The following TNKS variants were observed in gnomAD, a reference collection of about 807,000 sequenced individuals.
TNKS encodes the protein tankyrase, also known as poly [ADP-ribose] polymerase tankyrase-1.
Under a neutral mutation model 135.8 loss-of-function variants are expected in TNKS, and 72 were observed. The ratio of observed to expected loss-of-function variants is 0.53; its 90% confidence interval spans 0.44 to 0.64. The LOEUF is 0.64. Among genes scored for constraint, TNKS ranks in the 30% least tolerant of loss-of-function variants. TNKS has a pLI of 0.00. For synonymous variants in TNKS, 849 were observed against 649.3 expected, an observed-to-expected ratio of 1.31 and a Z score of -4.68; for missense variants, 1,769 against 1,674.0, an observed-to-expected ratio of 1.06 and a Z score of -0.99.
intron 20 of TNKS, among the ~76,000 whole-genome samples, chr8:9,760,572 T>C (rs1255376882): frequency 1.3e-5 from 2 of 152,204 alleles, no homozygotes; most frequent in Non-Finnish European, 2.9e-5. Context: ...AATCAAAGAC[T>C]AATCTTGTAG....
chr8:9,750,809 G>A (rs1046333865), intron 18 of TNKS, among the ~76,000 whole-genome samples: 1 of 152,214 alleles, frequency 6.6e-6, no homozygotes, highest in Admixed American at 6.5e-5. Flanking sequence ...TTCTGGTTTT[G>A]CAGTTACCTG....
chr8:9,636,318 G>A (rs1456867076), intron 3 of TNKS, among the ~76,000 whole-genome samples: 1 of 152,114 alleles, frequency 6.6e-6, no homozygotes, highest in African/African-American at 2.4e-5. Context: ...GAAAGAAAAA[G>A]GAAAACTGAT....
At chr8:9,613,646 G>C (rs1799540133) in intron 2 of TNKS, among the ~76,000 whole-genome samples, 1 of 152,112 alleles carries the variant, frequency 6.6e-6, no homozygotes, top group Non-Finnish European at 1.5e-5. Context: ...AAAGAGGTAG[G>C]CATGGCCCAA....
chr8:9,751,061 GC>G (rs201803923), intron 18 of TNKS, among the ~76,000 whole-genome samples: 2,007 of 134,714 alleles, frequency 0.015, 32 homozygotes, highest in African/African-American at 0.05. Flanking sequence ...ACCACATTCG[GC>G]GGGTAGGGGG....
intron 5 of TNKS, among the ~76,000 whole-genome samples, chr8:9,699,225 G>T (rs1166980470): frequency 2.0e-5 from 3 of 152,298 alleles, no homozygotes; most frequent in Non-Finnish European, 2.9e-5. Context: ...ATGATACTCT[G>T]TTAATTATCC....
intron 5 of TNKS, among the ~76,000 whole-genome samples, chr8:9,704,280 A>G (rs540828287): frequency 2.6e-5 from 4 of 152,328 alleles, no homozygotes; most frequent in South Asian, 4.1e-4. Context: ...AAGGTTAGAA[A>G]TTGAAAGGAG....
intron 3 of TNKS, among the ~76,000 whole-genome samples, chr8:9,674,686 G>A (rs931271799): frequency 6.6e-6 from 1 of 152,140 alleles, no homozygotes; most frequent in African/African-American, 2.4e-5. Context: ...GTTGAGGGGA[G>A]TGGCTAAAAT....
At chr8:9,731,170 T>C (rs1805419397) in intron 14 of TNKS, 135 bp downstream of exon 14, 1 of 1,172,138 alleles carries the variant, frequency 8.5e-7, no homozygotes, top group Admixed American at 3.4e-5. Context: ...AATTAAAACA[T>C]AGAAATGTGC....
At chr8:9,717,677 T>C (rs183595937) in intron 11 of TNKS, among the ~76,000 whole-genome samples, 126 of 152,298 alleles carry the variant, frequency 8.3e-4, no homozygotes, top group African/African-American at 2.9e-3. Context: ...TACTTACTGC[T>C]GAGAGGATGT....
At position 9,683,088 on chromosome 8, in the gene TNKS, G is replaced by A. The variant is rs114138405; in HGVS notation, c.1107+2288G>A. ...AGAAATAATTAACAATTGCTCATCTGTGTGGTTTGAATTGAATAATTCCTA... is the reference window on the plus strand; with the variant it reads ...AGAAATAATTAACAATTGCTCATCTATGTGGTTTGAATTGAATAATTCCTA... On this transcript the variant is annotated intron_variant, in intron 5 of 26. Coordinates refer to ENST00000310430, the MANE Select transcript of TNKS (RefSeq NM_003747.3). Among the ~76,000 whole-genome samples the A allele has an allele frequency of 4.2e-3, 636 of 152,028 alleles. 5 individuals carry two copies. Among genetic ancestry groups the A allele is most frequent in the African/African-American group, 0.014 (599 of 41,532 alleles).
intron 3 of TNKS, among the ~76,000 whole-genome samples, chr8:9,672,542 G>A (rs1802324190): frequency 6.6e-6 from 1 of 151,240 alleles, no homozygotes; most frequent in Admixed American, 6.6e-5. Context: ...GTAGAAAAAG[G>A]ACCTGTGATA....
At chr8:9,689,205 G>C (rs1803149579) in intron 5 of TNKS, among the ~76,000 whole-genome samples, 1 of 151,972 alleles carries the variant, frequency 6.6e-6, no homozygotes, top group Admixed American at 6.6e-5. Context: ...TCACACATAT[G>C]CATATTAATC....
intron 2 of TNKS, among the ~76,000 whole-genome samples, chr8:9,588,226 A>G (rs1281542444): frequency 6.6e-6 from 1 of 152,122 alleles, no homozygotes; most frequent in East Asian, 1.9e-4. Flanking sequence ...AATCTTTGTA[A>G]TCAGGTGCCA....
chr8:9,657,792 C>T (rs1451975314), intron 3 of TNKS, among the ~76,000 whole-genome samples: 1 of 150,226 alleles, frequency 6.7e-6, no homozygotes, highest in African/African-American at 2.4e-5. Flanking sequence ...ACCCCCCCAC[C>T]TCCCTCCCGG....
At chr8:9,663,896 A>G (rs1360729622) in intron 3 of TNKS, among the ~76,000 whole-genome samples, 3 of 152,148 alleles carry the variant, frequency 2.0e-5, no homozygotes, top group South Asian at 2.1e-4. Flanking sequence ...AACACTTTCA[A>G]CCCTGTCCCT....
At chr8:9,740,465 G>A (rs1264248318) in intron 17 of TNKS, among the ~76,000 whole-genome samples, 1 of 152,078 alleles carries the variant, frequency 6.6e-6, no homozygotes. Context: ...TGAGACTGTC[G>A]TCTCTCAGAC....
intron 20 of TNKS, among the ~76,000 whole-genome samples, chr8:9,757,553 T>C (rs1054183389): frequency 9.2e-5 from 14 of 152,164 alleles, no homozygotes; most frequent in African/African-American, 3.1e-4. Flanking sequence ...TCTGAGAACC[T>C]TTCCTCATCT....
chr8:9,635,200 T>C (rs1585258665), intron 3 of TNKS, among the ~76,000 whole-genome samples: 1 of 149,556 alleles, frequency 6.7e-6, no homozygotes, highest in Admixed American at 6.6e-5. Context: ...AGTAATGAAC[T>C]GCTCAAAGAA....
rs1226870057 is a variant in TNKS at position 9,641,342 on chromosome 8, G to C, written c.994+25665G>C. 2.8e-5 allele frequency among the ~76,000 whole-genome samples: 4 copies of C among 143,364 alleles called. 1 individual carries two copies. The highest frequency in any genetic ancestry group is 6.1e-5 in the Non-Finnish European group (4 of 66,032). 94.1% of individuals were successfully genotyped at this position (143,364 alleles called of 152,430 possible). On this transcript the variant is annotated intron_variant, in intron 3 of 26. Transcript: ENST00000310430. ...ACTTTGATAGTTGTTCAGTATATAA[G>C]GATAAAAAAGGCCTGCTAGGAAATT...
Sources: gnomAD v4.1 joint callset for allele counts (sites outside exome capture counted in the v4.1 genomes callset) on GRCh38, gnomAD v4.1.1 for gene constraint, MANE v1.5 for transcripts, NCBI Gene and HGNC (gene_info 2026-07-23, HGNC 2026-07-21) for gene names.